MDGA2: variants seen among roughly 807,000 people sequenced by gnomAD.
The protein encoded by MDGA2 is MAM domain-containing glycosylphosphatidylinositol anchor protein 2.
Under a neutral mutation model 117.8 loss-of-function variants are expected in MDGA2, and 40 were observed. That is an observed-to-expected ratio of 0.34 (90% CI 0.26 to 0.44). The LOEUF is 0.44. Among genes scored for constraint, MDGA2 ranks in the 20% least tolerant of loss-of-function variants. The pLI is 1.00. For missense variants in MDGA2, 1,123 were observed against 1,250.6 expected (o/e 0.90, Z 1.54); for synonymous variants, 452 against 439.0 (o/e 1.03, Z -0.37).
chr14:47,369,063 G>C (rs888716169), intron 1 of MDGA2, among the ~76,000 whole-genome samples: 7 of 152,018 alleles, frequency 4.6e-5, no homozygotes, highest in Non-Finnish European at 7.4e-5. Context: ...CATTATTAGA[G>C]ATAAACACTA....
At chr14:47,043,790 C>A (rs1327354332) in intron 7 of MDGA2, among the ~76,000 whole-genome samples, 2 of 152,044 alleles carry the variant, frequency 1.3e-5, no homozygotes, top group Admixed American at 6.6e-5. Flanking sequence ...ATTCCCATTG[C>A]CTCACCTTCC....
At chr14:46,878,710 T>C (rs1397039331) in intron 11 of MDGA2, among the ~76,000 whole-genome samples, 1 of 152,010 alleles carries the variant, frequency 6.6e-6, no homozygotes, top group Non-Finnish European at 1.5e-5. Context: ...ACAATTTAAT[T>C]TTTTGGCAAG....
intron 11 of MDGA2, among the ~76,000 whole-genome samples, chr14:46,880,338 TAG>T (rs1316197782): frequency 6.6e-6 from 1 of 151,578 alleles, no homozygotes; most frequent in Non-Finnish European, 1.5e-5. Flanking sequence ...AATATATATA[TAG>T]TAATAATAAT....
At chr14:46,879,481 T>C (rs924683091) in intron 11 of MDGA2, among the ~76,000 whole-genome samples, 3 of 152,158 alleles carry the variant, frequency 2.0e-5, no homozygotes, top group South Asian at 2.1e-4. Flanking sequence ...AATAAAAATG[T>C]TGGAGATCTG....
chr14:47,503,285 A>C (rs904142867), intron 1 of MDGA2, among the ~76,000 whole-genome samples: 5 of 151,180 alleles, frequency 3.3e-5, no homozygotes, highest in Non-Finnish European at 7.4e-5. Context: ...AAGAGGTCAG[A>C]GAGTAAAACA....
At chr14:47,170,553 T>C (rs1023398117) in intron 3 of MDGA2, among the ~76,000 whole-genome samples, 1 of 152,098 alleles carries the variant, frequency 6.6e-6, no homozygotes, top group Non-Finnish European at 1.5e-5. Flanking sequence ...GATTCAAGGA[T>C]TAGTCTATTG....
chr14:47,143,437 C>G (rs1882807669), intron 4 of MDGA2, among the ~76,000 whole-genome samples: 1 of 152,068 alleles, frequency 6.6e-6, no homozygotes, highest in Non-Finnish European at 1.5e-5. Flanking sequence ...CCACGAATTT[C>G]AATATCTTCC....
At chr14:46,972,034 T>C (rs1173583741) in intron 8 of MDGA2, among the ~76,000 whole-genome samples, 2 of 152,122 alleles carry the variant, frequency 1.3e-5, no homozygotes. Flanking sequence ...TCTAGTCAAC[T>C]ATCAAACCTG....
chr14:47,497,996 T>C (rs1014758296), intron 1 of MDGA2, among the ~76,000 whole-genome samples: 1 of 152,196 alleles, frequency 6.6e-6, no homozygotes, highest in Non-Finnish European at 1.5e-5. Context: ...AAAAATACAA[T>C]GTAATTCACA....
chr14:47,200,193 GAAGA>G (rs1885440422), intron 3 of MDGA2, among the ~76,000 whole-genome samples: 1 of 151,856 alleles, frequency 6.6e-6, no homozygotes, highest in South Asian at 2.1e-4. Flanking sequence ...GAAAAAGGAA[GAAGA>G]AAGAACCTAA....
rs541955572 is a variant in MDGA2 at position 47,379,988 on chromosome 14, C to G, written c.281-78438G>C. ...TTGTTGGAAGTAAAGGACTCCTCAG[C>G]AAATGTAAAAGAACAGAAATTATAA... On this transcript the variant is annotated intron_variant, in intron 1 of 16. Coordinates refer to ENST00000399232, the MANE Select transcript of MDGA2 (RefSeq NM_001113498.3). 5.3e-5 allele frequency among the ~76,000 whole-genome samples: 8 copies of G among 152,264 alleles called. No homozygotes were observed. In the East Asian group the frequency reaches 5.8e-4, roughly 11 times the overall value.
chr14:47,166,523 C>G (rs1033770149), intron 3 of MDGA2, among the ~76,000 whole-genome samples: 2 of 152,136 alleles, frequency 1.3e-5, no homozygotes. Context: ...GCTCTCTCAT[C>G]CACAATGCAG....
At chr14:46,961,704 G>A (rs967933190) in intron 8 of MDGA2, among the ~76,000 whole-genome samples, 8 of 150,998 alleles carry the variant, frequency 5.3e-5, no homozygotes, top group African/African-American at 1.7e-4. Context: ...GTGCAGTGGC[G>A]CAATCTCAGC....
chr14:47,670,842 CT>C (rs1455239720), intron 1 of MDGA2, among the ~76,000 whole-genome samples: 1 of 151,920 alleles, frequency 6.6e-6, no homozygotes, highest in African/African-American at 2.4e-5. Context: ...ATATAAATAA[CT>C]TTTTAAAATC....
At chr14:46,891,074 A>G (rs1882865536) in intron 10 of MDGA2, among the ~76,000 whole-genome samples, 1 of 152,088 alleles carries the variant, frequency 6.6e-6, no homozygotes, top group Admixed American at 6.6e-5. Flanking sequence ...GTAGTCTTTA[A>G]TATTCAGTAC....
At chr14:47,642,807 A>T (rs1290898519) in intron 1 of MDGA2, among the ~76,000 whole-genome samples, 2 of 152,120 alleles carry the variant, frequency 1.3e-5, no homozygotes, top group Non-Finnish European at 2.9e-5. Context: ...GGATTGGTTT[A>T]TTCGCATTTC....
intron 8 of MDGA2, among the ~76,000 whole-genome samples, chr14:46,980,541 AGTTTTACT>A (rs1221834299): frequency 6.6e-6 from 1 of 152,204 alleles, no homozygotes; most frequent in East Asian, 1.9e-4. Context: ...TTTTGAAAGA[AGTTTTACT>A]GTGGGCAAAA....
chr14:47,001,784 T>TAG (rs1491019731), intron 8 of MDGA2, among the ~76,000 whole-genome samples: 1 of 152,030 alleles, frequency 6.6e-6, no homozygotes, highest in Non-Finnish European at 1.5e-5. Context: ...TTATAAGACA[T>TAG]AGTTCTTCAG....
At chr14:47,138,714 T>C (rs1882573790) in intron 4 of MDGA2, among the ~76,000 whole-genome samples, 1 of 152,014 alleles carries the variant, frequency 6.6e-6, no homozygotes, top group South Asian at 2.1e-4. Flanking sequence ...TTCATTTTGA[T>C]ACTTAGATAT....
Sources: gnomAD v4.1 joint callset for allele counts (sites outside exome capture counted in the v4.1 genomes callset) on GRCh38, gnomAD v4.1.1 for gene constraint, MANE v1.5 for transcripts, NCBI Gene and HGNC (gene_info 2026-07-23, HGNC 2026-07-21) for gene names.